The following CCND3 variants were observed in gnomAD, a reference collection of about 807,000 sequenced individuals.
CCND3 encodes the protein cyclin D3.
CCND3 carries 9 observed loss-of-function variants against 28.7 expected under a neutral mutation model. The ratio of observed to expected loss-of-function variants is 0.31; its 90% CI spans 0.19 to 0.55. The LOEUF is 0.55. Among genes scored for constraint, CCND3 ranks in the 20% least tolerant of loss-of-function variants. CCND3 has a pLI of 0.93. For missense variants in CCND3, 315 were observed against 385.8 expected (o/e 0.82, Z 1.54); for synonymous variants, 164 against 163.9 (o/e 1.00, Z 0.00).
At chr6:41,987,890 CTT>C (rs1762534639) in intron 1 of CCND3, among the ~76,000 whole-genome samples, 1 of 151,846 alleles carries the variant, frequency 6.6e-6, no homozygotes, top group South Asian at 2.1e-4. Flanking sequence ...TTAGTGATCT[CTT>C]TTCTTTGCTT....
chr6:41,996,138 A>T (rs112059860), intron 1 of CCND3, among the ~76,000 whole-genome samples: 40 of 102,450 alleles, frequency 3.9e-4, no homozygotes, highest in African/African-American at 1.2e-3. Context: ...ATATATATAT[A>T]TTTTTTTTGT....
chr6:41,955,025 T>G (rs575145133), intron 1 of CCND3, among the ~76,000 whole-genome samples: 5 of 152,298 alleles, frequency 3.3e-5, no homozygotes, highest in African/African-American at 1.2e-4. Flanking sequence ...AAAATTTTCC[T>G]TATTGTTTAA....
intron 1 of CCND3, among the ~76,000 whole-genome samples, chr6:41,957,926 C>A (rs998192205): frequency 6.6e-6 from 1 of 152,036 alleles, no homozygotes; most frequent in African/African-American, 2.4e-5. Flanking sequence ...CTCAAGCAAT[C>A]CTCCTACCTC....
rs1776215798 is a variant in CCND3 at position 41,948,152 on chromosome 6, G to T, written c.-45-7567C>A. 2.0e-5 allele frequency among the ~76,000 whole-genome samples: 3 copies of T among 151,966 alleles called. No individual in the cohort carries two copies. The South Asian group carries it at 6.3e-4, about 32-fold the overall frequency. On this transcript the variant is annotated intron_variant, in intron 1 of 4. Coordinates refer to the CCND3 transcript ENST00000372988. ...TGGCCATCCTACCTAAATTTTTAAT[G>T]CCAGCTCCCCAGCCCTGACACTTCT...
intron 1 of CCND3, among the ~76,000 whole-genome samples, chr6:41,951,995 CAG>C (rs1776329996): frequency 2.0e-5 from 3 of 152,032 alleles, no homozygotes; most frequent in Non-Finnish European, 4.4e-5. Context: ...CTCCTGACCT[CAG>C]GTGATCCACC....
At chr6:41,953,531 A>G (rs1252891549) in intron 1 of CCND3, among the ~76,000 whole-genome samples, 2 of 152,048 alleles carry the variant, frequency 1.3e-5, no homozygotes, top group African/African-American at 4.8e-5. Flanking sequence ...AAGGAATCTC[A>G]TGGAGAACCA....
At chr6:42,034,525 T>G (rs1764145550) in intron 1 of CCND3, among the ~76,000 whole-genome samples, 1 of 126,222 alleles carries the variant, frequency 7.9e-6, no homozygotes. Flanking sequence ...GTTGCCAGGC[T>G]GGAGTGCAGT....
chr6:41,996,963 A>G (rs1286898039), intron 1 of CCND3, among the ~76,000 whole-genome samples: 1 of 152,076 alleles, frequency 6.6e-6, no homozygotes. Context: ...GCACCTGGCC[A>G]TCTTACCCAT....
At chr6:41,940,640 G>T in intron 1 of CCND3, 55 bp from the exon 2 acceptor site, 1 of 1,220,724 alleles carries the variant, frequency 8.2e-7, no homozygotes, top group Non-Finnish European at 1.2e-6. Flanking sequence ...ACACAGCAGC[G>T]GGGGGGTGGG....
At chr6:41,983,091 A>G (rs2127412980) in intron 1 of CCND3, among the ~76,000 whole-genome samples, 1 of 152,228 alleles carries the variant, frequency 6.6e-6, no homozygotes, top group East Asian at 1.9e-4. Flanking sequence ...AAAAAGGTAT[A>G]TGTTGGCCGG....
chr6:42,040,244 C>T (rs558605705), intron 1 of CCND3, among the ~76,000 whole-genome samples: 2 of 151,864 alleles, frequency 1.3e-5, no homozygotes, highest in South Asian at 4.2e-4. Flanking sequence ...ATGACGAAAC[C>T]CTGTCTCTAC....
chr6:41,972,240 AAAAAG>A lies in CCND3; in HGVS notation c.-45-31660_-45-31656del, dbSNP rs759984779. On this transcript the variant is annotated intron_variant, in intron 1 of 4. Transcript: ENST00000372988. ...GAGACTCCATCTCAAAAAAAAAAAA[AAAAAG>A]AAAAGAAAAGAAAAGAGATACTTCC... is the stretch of plus-strand genomic sequence containing the variant. 3.7e-3 allele frequency among the ~76,000 whole-genome samples: 374 copies of A among 99,754 alleles called. 6 individuals are homozygous for A. The highest frequency in any genetic ancestry group is 0.017 in the Admixed American group (147 of 8,674). The allele number at this position is 99,754 out of a possible 152,430, so 65.4% of individuals were successfully genotyped here.
chr6:41,991,631 A>T (rs1046916305), intron 1 of CCND3, among the ~76,000 whole-genome samples: 3 of 152,128 alleles, frequency 2.0e-5, no homozygotes, highest in Non-Finnish European at 4.4e-5. Context: ...GCTGTTTGAA[A>T]CTATTATTAT....
chr6:41,993,275 C>A (rs4714532), intron 1 of CCND3, among the ~76,000 whole-genome samples: 149,260 of 152,302 alleles, frequency 0.98, 73,202 homozygotes, highest in East Asian at 1. Flanking sequence ...TCCCACCAAC[C>A]GTCTATGAGA....
At chr6:42,012,883 C>T (rs140497989) in intron 1 of CCND3, among the ~76,000 whole-genome samples, 1 of 152,300 alleles carries the variant, frequency 6.6e-6, no homozygotes, top group East Asian at 1.9e-4. Flanking sequence ...TTCTTATATA[C>T]TTCTGGAGAT....
intron 1 of CCND3, among the ~76,000 whole-genome samples, chr6:41,971,582 G>A (rs1196384901): frequency 6.6e-6 from 1 of 151,088 alleles, no homozygotes; most frequent in South Asian, 2.1e-4. Context: ...TCGTTCTGTC[G>A]CCAGGCTGGA....
At chr6:42,045,622 G>T (rs6458267) in intron 1 of CCND3, among the ~76,000 whole-genome samples, 85,741 of 152,090 alleles carry the variant, frequency 0.56, 24,256 homozygotes, top group South Asian at 0.73. Flanking sequence ...GAATCCCAGG[G>T]GAATTCCAAC....
At chr6:41,964,476 G>A (rs1177190350) in intron 1 of CCND3, among the ~76,000 whole-genome samples, 33 of 82,356 alleles carry the variant, frequency 4.0e-4, no homozygotes, top group African/African-American at 7.1e-4. Context: ...GTGTGTGTGA[G>A]TGTGTGTGAA....
chr6:42,009,152 C>T lies in CCND3; in HGVS notation c.-46+39349G>A, dbSNP rs552196835. Among the ~76,000 whole-genome samples, 3 of 152,312 alleles carry T rather than the reference C, an allele frequency of 2.0e-5. 1 individual carries two copies. In the South Asian group the frequency reaches 6.2e-4, roughly 32 times the overall value. Reference sequence around the variant, plus strand: ...CTTGAGTGGACTGCTCTTCCCTCAACTGTGCCTAGGTCAGGCCTACTTATC... The same window carrying T: ...CTTGAGTGGACTGCTCTTCCCTCAATTGTGCCTAGGTCAGGCCTACTTATC... On this transcript the variant is annotated intron_variant, in intron 1 of 4. Transcript: ENST00000372988.
Sources: allele counts gnomAD v4.1 joint callset (sites outside exome capture counted in the v4.1 genomes callset), GRCh38; gene constraint gnomAD v4.1.1; transcripts MANE v1.5; gene names NCBI Gene and HGNC (gene_info 2026-07-23, HGNC 2026-07-21).